Variants in KHDRBS2 observed in about 807,000 individuals in gnomAD.
The protein encoded by KHDRBS2 is KH domain-containing, RNA-binding, signal transduction-associated protein 2.
KHDRBS2 carries 26 observed loss-of-function variants against 44.3 expected under a neutral mutation model. The observed-to-expected ratio is 0.59, with a 90% confidence interval of 0.43 to 0.81. The LOEUF is 0.81. Among genes scored for constraint, KHDRBS2 ranks in the 40% least tolerant of loss-of-function variants. The pLI, the probability that KHDRBS2 is intolerant of heterozygous loss-of-function variation, is 0.00. For synonymous variants in KHDRBS2, 194 were observed against 151.1 expected (o/e 1.28, Z -2.08); for missense variants, 476 against 433.1 (o/e 1.10, Z -0.88).
intron 8 of KHDRBS2, among the ~76,000 whole-genome samples, chr6:61,681,394 G>T (rs1763106822): frequency 1.3e-5 from 2 of 151,770 alleles, no homozygotes; most frequent in African/African-American, 4.8e-5. Context: ...TGAATAACTT[G>T]AGAATCACCT....
At chr6:61,598,289 A>G in the KHDRBS2 span, among the ~76,000 whole-genome samples, 1 of 148,394 alleles carries the variant, frequency 6.7e-6, no homozygotes, top group Non-Finnish European at 1.5e-5. Context: ...AAATGACTCA[A>G]AGCCAAAACA....
rs552766423 is a variant in KHDRBS2, at chr6:62,250,194, C to T, written c.91+35664G>A. On this transcript the variant is annotated intron_variant, in intron 1 of 8. Coordinates refer to ENST00000281156, the MANE Select transcript of KHDRBS2 (RefSeq NM_152688.4). ...AAGTTCACTTATAAAAGAGGACAAA[C>T]GATCAGCTATTGCTAATGAAATACT... Among the ~76,000 whole-genome samples the T allele has an allele frequency of 8.5e-5, 13 of 152,136 alleles. No individual in the cohort carries two copies. The East Asian group carries it at 1.9e-3, about 23-fold the overall frequency.
In KHDRBS2 at chr6:62,052,289, G is replaced by T. The variant is rs532758108; in HGVS notation, c.220-4295C>A. On this transcript the variant is annotated intron_variant, in intron 2 of 8. Coordinates refer to ENST00000281156, the MANE Select transcript of KHDRBS2 (RefSeq NM_152688.4). ...AAACAATATAGTGGAATATTATTCA[G>T]CCTGAAAAACAATGAGACCTTGCCA... 6.6e-5 allele frequency among the ~76,000 whole-genome samples: 10 copies of T among 151,988 alleles called. No homozygotes were observed. The East Asian group carries it at 1.4e-3, about 21-fold the overall frequency.
At chr6:61,575,195 A>C in the KHDRBS2 span, among the ~76,000 whole-genome samples, 2 of 152,230 alleles carry the variant, frequency 1.3e-5, no homozygotes, top group Non-Finnish European at 2.9e-5. Context: ...AGTGGGAGAA[A>C]ACATTTGCAA....
intron 2 of KHDRBS2, among the ~76,000 whole-genome samples, chr6:62,104,366 T>C (rs2127376610): frequency 2.0e-5 from 3 of 152,296 alleles, no homozygotes; most frequent in Middle Eastern, 6.8e-3. Flanking sequence ...TATGTATACA[T>C]GTGCCATGCT....
At chr6:61,890,505 C>T (rs1801655513) in intron 6 of KHDRBS2, among the ~76,000 whole-genome samples, 1 of 152,188 alleles carries the variant, frequency 6.6e-6, no homozygotes, top group South Asian at 2.1e-4. Context: ...CCCAAACATG[C>T]TGAGTAAATT....
At chr6:62,158,671 A>G (rs994572603) in intron 2 of KHDRBS2, among the ~76,000 whole-genome samples, 2 of 152,170 alleles carry the variant, frequency 1.3e-5, no homozygotes, top group Non-Finnish European at 2.9e-5. Context: ...ATATAAATTA[A>G]GGTTTCTCTT....
At chr6:62,197,320 T>C (rs1825909243) in intron 1 of KHDRBS2, among the ~76,000 whole-genome samples, 1 of 152,018 alleles carries the variant, frequency 6.6e-6, no homozygotes, top group Non-Finnish European at 1.5e-5. Flanking sequence ...TGAACACAGA[T>C]CAAACAATAT....
chr6:61,720,005 A>G lies in KHDRBS2; in HGVS notation c.893+12677T>C, dbSNP rs1772127888. On this transcript the variant is annotated intron_variant, in intron 7 of 8. Coordinates refer to ENST00000281156, the MANE Select transcript of KHDRBS2 (RefSeq NM_152688.4). ...CATGTGTTCTCATTGTTCAATTCCC[A>G]CCTATGAGTGAGAATATGCGGTGTT... 2.0e-5 allele frequency among the ~76,000 whole-genome samples: 3 copies of G among 151,604 alleles called. No individual in the cohort carries two copies. In the South Asian group the frequency reaches 6.3e-4, roughly 32 times the overall value.
chr6:61,787,996 G>T (rs1366505614), intron 6 of KHDRBS2, among the ~76,000 whole-genome samples: 1 of 151,548 alleles, frequency 6.6e-6, no homozygotes, highest in East Asian at 1.9e-4. Flanking sequence ...ACATTCTAAT[G>T]CATTAACTAA....
At chr6:61,945,102 A>AT (rs1456176748) in intron 4 of KHDRBS2, among the ~76,000 whole-genome samples, 2 of 71,600 alleles carry the variant, frequency 2.8e-5, no homozygotes, top group Non-Finnish European at 5.0e-5. Flanking sequence ...AAAAAAAAAA[A>AT]AAAAAAAAAA....
chr6:62,096,554 T>C (rs73489273), intron 2 of KHDRBS2, among the ~76,000 whole-genome samples: 72 of 151,976 alleles, frequency 4.7e-4, no homozygotes, highest in African/African-American at 1.7e-3. Context: ...ATTTCTAAGG[T>C]GTCAGTTTTA....
intron 1 of KHDRBS2, among the ~76,000 whole-genome samples, chr6:62,186,883 G>C (rs1229590294): frequency 6.6e-6 from 1 of 151,856 alleles, no homozygotes; most frequent in Admixed American, 6.6e-5. Flanking sequence ...TCTACATGTA[G>C]TCGTCCCATT....
At chr6:61,741,210 C>A (rs1776089397) in intron 6 of KHDRBS2, among the ~76,000 whole-genome samples, 1 of 151,500 alleles carries the variant, frequency 6.6e-6, no homozygotes, top group South Asian at 2.1e-4. Context: ...TGCATTACTA[C>A]CCCATAGACA....
intron 6 of KHDRBS2, among the ~76,000 whole-genome samples, chr6:61,821,407 A>G (rs1789891744): frequency 6.6e-6 from 1 of 152,040 alleles, no homozygotes; most frequent in Admixed American, 6.6e-5. Flanking sequence ...GAACTTGTGT[A>G]ATTGCACTGC....
chr6:62,192,363 T>G (rs1008668516), intron 1 of KHDRBS2, among the ~76,000 whole-genome samples: 4 of 152,054 alleles, frequency 2.6e-5, no homozygotes, highest in African/African-American at 9.7e-5. Context: ...ATCTTGAAAT[T>G]TACTATCTTA....
At chr6:61,808,202 A>G (rs1401882895) in intron 6 of KHDRBS2, among the ~76,000 whole-genome samples, 1 of 152,130 alleles carries the variant, frequency 6.6e-6, no homozygotes, top group Non-Finnish European at 1.5e-5. Context: ...GTTTAAATCT[A>G]TGAAACTGAT....
At chr6:61,901,400 A>G (rs767165547) in intron 4 of KHDRBS2, 29 bp from the exon 5 acceptor site, 1 of 1,591,022 alleles carries the variant, frequency 6.3e-7, no homozygotes, top group Non-Finnish European at 8.6e-7. Context: ...GTGATGAGTT[A>G]AAAATGGGAC....
chr6:62,064,724 A>C (rs1306101988), intron 2 of KHDRBS2, among the ~76,000 whole-genome samples: 5 of 152,160 alleles, frequency 3.3e-5, no homozygotes, highest in Non-Finnish European at 7.3e-5. Context: ...GGCATGGGCA[A>C]GGGCTTCATG....
Sources: allele counts gnomAD v4.1 joint callset (sites outside exome capture counted in the v4.1 genomes callset), GRCh38; gene constraint gnomAD v4.1.1; transcripts MANE v1.5; gene names NCBI Gene and HGNC (gene_info 2026-07-23, HGNC 2026-07-21).